Variants in SLX4IP observed in about 807,000 individuals in gnomAD.
The protein encoded by SLX4IP is SLX4 interacting protein, also known as protein SLX4IP.
SLX4IP carries 34 observed loss-of-function variants against 32.9 expected under a neutral mutation model. The observed-to-expected ratio is 1.03, with a 90% CI of 0.79 to 1.38. SLX4IP has a LOEUF of 1.38. Ranked by LOEUF, SLX4IP falls within the 40% of genes most tolerant of loss-of-function variation. The pLI, the probability that SLX4IP is intolerant of heterozygous loss-of-function variation, is 0.00. For synonymous variants in SLX4IP, 172 were observed against 171.7 expected (o/e 1.00, Z -0.01); for missense variants, 444 against 479.0 (o/e 0.93, Z 0.68).
At chr20:10,583,082 T>C (rs1160917460) in intron 4 of SLX4IP, among the ~76,000 whole-genome samples, 1 of 152,214 alleles carries the variant, frequency 6.6e-6, no homozygotes, top group Non-Finnish European at 1.5e-5. Context: ...CCCCCACTTA[T>C]CTGTTGCCAG....
At chr20:10,565,891 C>A (rs902589526) in intron 4 of SLX4IP, among the ~76,000 whole-genome samples, 15 of 152,218 alleles carry the variant, frequency 9.9e-5, no homozygotes, top group African/African-American at 3.4e-4. Flanking sequence ...GATGTTTACT[C>A]CCCTTCTAGT....
At chr20:10,618,554 A>G (rs756494309) in intron 6 of SLX4IP, among the ~76,000 whole-genome samples, 2 of 152,196 alleles carry the variant, frequency 1.3e-5, no homozygotes, top group Non-Finnish European at 2.9e-5. Flanking sequence ...AGGCCCTGGA[A>G]GATCCTGTTG....
At chr20:10,503,473 A>G (rs2065735644) in intron 2 of SLX4IP, among the ~76,000 whole-genome samples, 2 of 152,164 alleles carry the variant, frequency 1.3e-5, no homozygotes, top group East Asian at 1.9e-4. Context: ...GCCTGCTGCC[A>G]CCTTGCCATG....
At chr20:10,445,297 T>C (rs905566838) in intron 1 of SLX4IP, among the ~76,000 whole-genome samples, 1 of 148,562 alleles carries the variant, frequency 6.7e-6, no homozygotes, top group Admixed American at 6.9e-5. Context: ...TGGATTGCTT[T>C]TTCTTTTTTC....
At chr20:10,532,870 G>A (rs2066002135) in intron 2 of SLX4IP, among the ~76,000 whole-genome samples, 1 of 151,918 alleles carries the variant, frequency 6.6e-6, no homozygotes, top group Non-Finnish European at 1.5e-5. Flanking sequence ...CTGCCTCCCG[G>A]GTTCAAGCAA....
chr20:10,579,673 G>A (rs577231717), intron 4 of SLX4IP, among the ~76,000 whole-genome samples: 14 of 152,208 alleles, frequency 9.2e-5, no homozygotes, highest in African/African-American at 3.4e-4. Context: ...TGATCCACCC[G>A]CCTTGACCTC....
chr20:10,523,574 A>T (rs918385960), intron 2 of SLX4IP, among the ~76,000 whole-genome samples: 2 of 152,242 alleles, frequency 1.3e-5, no homozygotes, highest in Non-Finnish European at 2.9e-5. Context: ...TGACTTTCTA[A>T]AATGAGACTG....
chr20:10,525,731 T>C (rs2065935357), intron 2 of SLX4IP, among the ~76,000 whole-genome samples: 1 of 152,230 alleles, frequency 6.6e-6, no homozygotes, highest in Non-Finnish European at 1.5e-5. Context: ...CATTTCTTCG[T>C]GTCTTCCTGG....
At chr20:10,467,697 C>T (rs570703648) in intron 2 of SLX4IP, among the ~76,000 whole-genome samples, 27 of 152,216 alleles carry the variant, frequency 1.8e-4, no homozygotes, top group Non-Finnish European at 3.2e-4. Flanking sequence ...GTGCTGATTT[C>T]GTGAAAGAAT....
chr20:10,517,232 A>G (rs2065858938), intron 2 of SLX4IP, among the ~76,000 whole-genome samples: 1 of 152,234 alleles, frequency 6.6e-6, no homozygotes, highest in Non-Finnish European at 1.5e-5. Flanking sequence ...GTCAATGTCA[A>G]TATCACACTT....
At chr20:10,484,232 T>G (rs2065552328) in intron 2 of SLX4IP, among the ~76,000 whole-genome samples, 1 of 152,114 alleles carries the variant, frequency 6.6e-6, no homozygotes, top group African/African-American at 2.4e-5. Flanking sequence ...TCCCCTACAA[T>G]GAGATAGCCT....
chr20:10,554,951 A>C (rs2066252530), intron 2 of SLX4IP, among the ~76,000 whole-genome samples: 1 of 152,072 alleles, frequency 6.6e-6, no homozygotes, highest in Non-Finnish European at 1.5e-5. Context: ...TTAATTTTGA[A>C]AATTTAACAA....
At chr20:10,531,046 A>G (rs1399165104) in intron 2 of SLX4IP, among the ~76,000 whole-genome samples, 2 of 152,296 alleles carry the variant, frequency 1.3e-5, no homozygotes, top group East Asian at 1.9e-4. Flanking sequence ...TAGACTGCAC[A>G]TGGATAGTCC....
chr20:10,592,355 C>T (rs1044921984), intron 4 of SLX4IP, among the ~76,000 whole-genome samples: 4 of 149,890 alleles, frequency 2.7e-5, no homozygotes, highest in Admixed American at 1.3e-4. Context: ...AACCCCCCCC[C>T]ATCACCAGCA....
intron 2 of SLX4IP, among the ~76,000 whole-genome samples, chr20:10,479,364 T>C (rs1361092810): frequency 1.3e-5 from 2 of 149,936 alleles, no homozygotes; most frequent in South Asian, 2.1e-4. Context: ...TTTTTTTTTT[T>C]TTTTTTGAGA....
chr20:10,536,444 T>C (rs1189379811), intron 2 of SLX4IP, among the ~76,000 whole-genome samples: 1 of 152,144 alleles, frequency 6.6e-6, no homozygotes, highest in Non-Finnish European at 1.5e-5. Flanking sequence ...TTAGAAATAT[T>C]GCAACGGTTT....
chr20:10,464,695 TATTCTAAGACTG>T (rs2065365629), intron 2 of SLX4IP, among the ~76,000 whole-genome samples: 1 of 152,244 alleles, frequency 6.6e-6, no homozygotes, highest in Admixed American at 6.5e-5. Flanking sequence ...CTGGGTTGTT[TATTCTAAGACTG>T]CCCTTGGAAT....
intron 2 of SLX4IP, among the ~76,000 whole-genome samples, chr20:10,538,841 T>C (rs1773325999): frequency 6.6e-6 from 1 of 152,182 alleles, no homozygotes; most frequent in Admixed American, 6.5e-5. Flanking sequence ...TTGGCTGTAT[T>C]ATTTTGAGGT....
At chr20:10,450,037 G>T (rs1315450032) in intron 1 of SLX4IP, among the ~76,000 whole-genome samples, 1 of 152,076 alleles carries the variant, frequency 6.6e-6, no homozygotes, top group Non-Finnish European at 1.5e-5. Flanking sequence ...AGCCATCACA[G>T]TAACCTCACT....
Sources: gnomAD v4.1 joint callset for allele counts (sites outside exome capture counted in the v4.1 genomes callset) on GRCh38, gnomAD v4.1.1 for gene constraint, MANE v1.5 for transcripts, NCBI Gene and HGNC (gene_info 2026-07-23, HGNC 2026-07-21) for gene names.